ZNF713: variants seen among roughly 807,000 people sequenced by gnomAD.
The protein encoded by ZNF713 is zinc finger protein 713.
ZNF713 carries 21 observed loss-of-function variants against 28.7 expected under a neutral mutation model. The ratio of observed to expected loss-of-function variants is 0.73; its 90% CI spans 0.52 to 1.05. The LOEUF (loss-of-function observed/expected upper bound fraction) is 1.05. ZNF713 is among the 50% of genes least tolerant of loss of function. ZNF713 has a pLI of 0.00. For missense variants in ZNF713, 458 were observed against 532.4 expected, an observed-to-expected ratio of 0.86 and a Z score of 1.37; for synonymous variants, 167 against 178.0, an observed-to-expected ratio of 0.94 and a Z score of 0.49.
chr7:55,892,709 C>A (rs983635040), intron 1 of ZNF713, among the ~76,000 whole-genome samples: 22 of 151,540 alleles, frequency 1.5e-4, no homozygotes, highest in African/African-American at 5.1e-4. Flanking sequence ...CCCGTCTCTA[C>A]TGAAGATACA....
chr7:55,900,219 G>T (rs908229201), intron 1 of ZNF713, among the ~76,000 whole-genome samples: 1 of 152,162 alleles, frequency 6.6e-6, no homozygotes, highest in African/African-American at 2.4e-5. Flanking sequence ...TGTAATCGCA[G>T]CACTTTCTGG....
At chr7:55,921,192 A>T (rs1260279329) in intron 4 of ZNF713, among the ~76,000 whole-genome samples, 2 of 152,186 alleles carry the variant, frequency 1.3e-5, no homozygotes, top group Non-Finnish European at 2.9e-5. Flanking sequence ...CTCAGGAAAA[A>T]AAAAAAATCC....
At chr7:55,890,859 A>G (rs937276176) in intron 1 of ZNF713, among the ~76,000 whole-genome samples, 2 of 152,010 alleles carry the variant, frequency 1.3e-5, no homozygotes, top group Admixed American at 1.3e-4. Flanking sequence ...ATCTCCTAAA[A>G]ATACAAATAT....
At chr7:55,937,472 A>G (rs1786376228) in intron 6 of ZNF713, among the ~76,000 whole-genome samples, 1 of 152,070 alleles carries the variant, frequency 6.6e-6, no homozygotes, top group South Asian at 2.1e-4. Flanking sequence ...AAGATAGAAC[A>G]TGACCCTTTC....
intron 6 of ZNF713, among the ~76,000 whole-genome samples, chr7:55,932,271 G>A (rs1327669169): frequency 6.6e-6 from 1 of 151,174 alleles, no homozygotes; most frequent in Non-Finnish European, 1.5e-5. Flanking sequence ...GCTTACGCCT[G>A]TAATTCCAGC....
At chr7:55,902,721 G>A (rs1430363658) in intron 1 of ZNF713, among the ~76,000 whole-genome samples, 2 of 152,134 alleles carry the variant, frequency 1.3e-5, no homozygotes, top group Non-Finnish European at 2.9e-5. Flanking sequence ...AACTATTACA[G>A]ATTGGAGGAA....
intron 1 of ZNF713, among the ~76,000 whole-genome samples, chr7:55,895,813 A>G (rs10272406): frequency 0.28 from 42,641 of 151,892 alleles, 6,387 homozygotes; most frequent in Middle Eastern, 0.38. Context: ...CTTTTCCTTA[A>G]TCCTCACAAC....
chr7:55,937,056 G>A (rs1413100827), intron 6 of ZNF713, among the ~76,000 whole-genome samples: 2 of 152,058 alleles, frequency 1.3e-5, no homozygotes, highest in Non-Finnish European at 2.9e-5. Flanking sequence ...CCCAGCACTT[G>A]GGGAGGCCAA....
intron 1 of ZNF713, among the ~76,000 whole-genome samples, chr7:55,899,187 A>G (rs1053289110): frequency 1.3e-5 from 2 of 151,456 alleles, no homozygotes; most frequent in African/African-American, 4.9e-5. Flanking sequence ...CCCCGTCTCT[A>G]CTAAAACTAC....
chr7:55,909,382 G>C (rs1256127398), intron 2 of ZNF713, among the ~76,000 whole-genome samples: 2 of 152,032 alleles, frequency 1.3e-5, no homozygotes, highest in East Asian at 1.9e-4. Context: ...TAGCTATTCT[G>C]TTCCATTGAT....
At chr7:55,916,373 C>T (rs575842114) in intron 4 of ZNF713, among the ~76,000 whole-genome samples, 4 of 152,318 alleles carry the variant, frequency 2.6e-5, no homozygotes, top group African/African-American at 7.2e-5. Context: ...CAAATGTCAC[C>T]TCTCCAGTGC....
intron 6 of ZNF713, among the ~76,000 whole-genome samples, chr7:55,931,878 C>A (rs907850855): frequency 2.0e-5 from 3 of 152,158 alleles, no homozygotes; most frequent in African/African-American, 7.2e-5. Flanking sequence ...GTAGTAGGAG[C>A]CTAGAGGACC....
At chr7:55,910,052 G>A (rs1347900541) in intron 2 of ZNF713, among the ~76,000 whole-genome samples, 1 of 150,630 alleles carries the variant, frequency 6.6e-6, no homozygotes, top group Non-Finnish European at 1.5e-5. Flanking sequence ...TAAGAGACAG[G>A]GTGTCATCAT....
Position 55,939,825 on chromosome 7 carries a change from A to T in ZNF713, c.1151A>T (p.His384Leu). The T allele has an allele frequency of 6.2e-7, 1 of 1,614,190 alleles. No individual in the cohort carries two copies. Among genetic ancestry groups the T allele is most frequent in the Non-Finnish European group, 8.5e-7 (1 of 1,180,024 alleles). The change falls in exon 7 of 7, where the codon CAT becomes CTT. Residue 384 changes from histidine to leucine, a missense_variant. Physicochemically the swap from His to Leu is moderately conservative, Grantham distance 99. Transcript: ENST00000429591. ...FCGKAFSQRT[H>L]LNQHERTHTG... Reference sequence around the variant, plus strand: ...GGCAAAGCCTTCAGTCAGAGGACACATCTGAATCAACATGAAAGAACTCAT... The same window carrying T: ...GGCAAAGCCTTCAGTCAGAGGACACTTCTGAATCAACATGAAAGAACTCAT...
Position 55,909,029 on chromosome 7 carries a change from C to T in ZNF713, c.-455-2587C>T, listed in dbSNP as rs563787800. ...TGGCCAACATGGTGAAACCCTGTCTCTACTAAAAAATACAAAAAATTAGCT... is the reference window on the plus strand; with the variant it reads ...TGGCCAACATGGTGAAACCCTGTCTTTACTAAAAAATACAAAAAATTAGCT... On this transcript the variant is annotated intron_variant, in intron 2 of 6. Coordinates refer to ENST00000429591, the MANE Select transcript of ZNF713 (RefSeq NM_182633.3). Among the ~76,000 whole-genome samples, 5 of 151,778 alleles carry T rather than the reference C, an allele frequency of 3.3e-5. No individual in the cohort carries two copies. In the East Asian group the frequency reaches 9.7e-4, roughly 29 times the overall value.
chr7:55,929,558 A>G (rs1584316754), intron 6 of ZNF713, among the ~76,000 whole-genome samples: 1 of 152,172 alleles, frequency 6.6e-6, no homozygotes, highest in Non-Finnish European at 1.5e-5. Context: ...TAAACTCCAA[A>G]GGAAACAGAT....
intron 1 of ZNF713, among the ~76,000 whole-genome samples, chr7:55,902,150 C>T (rs1785592101): frequency 6.6e-6 from 1 of 152,080 alleles, no homozygotes; most frequent in South Asian, 2.1e-4. Flanking sequence ...GAGGTTGCGC[C>T]ACTGCACTCC....
intron 1 of ZNF713, among the ~76,000 whole-genome samples, chr7:55,897,444 T>C (rs1785494149): frequency 6.6e-6 from 1 of 151,844 alleles, no homozygotes; most frequent in African/African-American, 2.4e-5. Context: ...CACACCCAGC[T>C]AATTTTTTCT....
intron 1 of ZNF713, among the ~76,000 whole-genome samples, chr7:55,890,195 A>G (rs1785355382): frequency 1.3e-5 from 2 of 152,110 alleles, no homozygotes; most frequent in African/African-American, 4.8e-5. Context: ...CATGCCTGTA[A>G]TCCCAGCACT....
Sources: gnomAD v4.1 joint callset for allele counts (sites outside exome capture counted in the v4.1 genomes callset) on GRCh38, gnomAD v4.1.1 for gene constraint, MANE v1.5 for transcripts, NCBI Gene and HGNC (gene_info 2026-07-23, HGNC 2026-07-21) for gene names.